Variants in CERS5 observed in about 807,000 individuals in gnomAD.
The protein encoded by CERS5 is ceramide synthase 5.
CERS5 carries 37 observed loss-of-function variants against 58.9 expected under a neutral mutation model. The ratio of observed to expected loss-of-function variants is 0.63; its 90% CI spans 0.48 to 0.83. The LOEUF is 0.83. CERS5 is among the 40% of genes least tolerant of loss of function. CERS5 has a pLI of 0.00. For missense variants in CERS5, 398 were observed against 489.3 expected, an observed-to-expected ratio of 0.81 and a Z score of 1.76; for synonymous variants, 147 against 177.8, an observed-to-expected ratio of 0.83 and a Z score of 1.38.
chr12:50,166,047 G>C, intron 1 of CERS5: 1 of 420,966 alleles, frequency 2.4e-6, no homozygotes, highest in South Asian at 1.7e-5. Flanking sequence ...TCAAGGCCGG[G>C]TGCGGTGGCT....
intron 6 of CERS5, 27 bp downstream of exon 6, chr12:50,137,701 G>A: frequency 8.0e-7 from 1 of 1,252,958 alleles, no homozygotes; most frequent in Non-Finnish European, 1.2e-6. Flanking sequence ...TAATAAGTTG[G>A]GGAATTGAGG....
At chr12:50,137,350 G>A (rs184800204) in intron 6 of CERS5, among the ~76,000 whole-genome samples, 1 of 152,078 alleles carries the variant, frequency 6.6e-6, no homozygotes, top group East Asian at 1.9e-4. Context: ...AGAGAGCAAG[G>A]GTCCCTAATG....
intron 8 of CERS5, 61 bp from the exon 9 acceptor site, chr12:50,134,763 C>T: frequency 6.6e-7 from 1 of 1,510,562 alleles, no homozygotes; most frequent in Non-Finnish European, 9.0e-7. Flanking sequence ...AGGGATGAAG[C>T]TGAGTCCTGG....
At chr12:50,144,800 A>G (rs1366634285) in intron 1 of CERS5, 2 of 1,528,940 alleles carry the variant, frequency 1.3e-6, no homozygotes, top group Non-Finnish European at 1.8e-6. Flanking sequence ...ATCTAAAAGA[A>G]GAGGTTATAT....
At chr12:50,148,940 ATATATATGTG>A (rs1334203028) in intron 1 of CERS5, among the ~76,000 whole-genome samples, 1 of 132,974 alleles carries the variant, frequency 7.5e-6, no homozygotes, top group Non-Finnish European at 1.6e-5. Flanking sequence ...ATATATATAT[ATATATATGTG>A]TGTGTGTGTG....
At chr12:50,135,695 C>A (rs1286520708) in intron 8 of CERS5, 37 bp downstream of exon 8, 4 of 1,405,728 alleles carry the variant, frequency 2.8e-6, no homozygotes, top group Non-Finnish European at 4.0e-6. Context: ...TATCATTAGG[C>A]TCATACCTAC....
At chr12:50,148,621 G>A (rs1254489406) in intron 1 of CERS5, 2 of 279,298 alleles carry the variant, frequency 7.2e-6, no homozygotes, top group South Asian at 5.5e-5. Flanking sequence ...AATAGGCCGG[G>A]CGTGGTGACT....
At chr12:50,136,192 G>A in intron 6 of CERS5, 123 bp from the exon 7 acceptor site, 1 of 848,258 alleles carries the variant, frequency 1.2e-6, no homozygotes, top group Non-Finnish European at 1.6e-6. Context: ...GTTTCCATTG[G>A]CCGGGCGAGG....
chr12:50,154,890 G>A (rs1360404375), intron 1 of CERS5, among the ~76,000 whole-genome samples: 2 of 151,864 alleles, frequency 1.3e-5, no homozygotes, highest in African/African-American at 2.4e-5. Flanking sequence ...ACAGAGTTTC[G>A]CTCCGTCACC....
intron 1 of CERS5, among the ~76,000 whole-genome samples, chr12:50,163,844 A>C (rs929848116): frequency 6.6e-6 from 1 of 151,666 alleles, no homozygotes; most frequent in African/African-American, 2.4e-5. Context: ...TGTAGAGACA[A>C]GGTTTCACCA....
chr12:50,167,255 A>T lies in CERS5; in HGVS notation c.43T>A (p.Trp15Arg). 1 of 1,590,718 alleles carries T rather than the reference A, an allele frequency of 6.3e-7. No homozygotes were observed. Among genetic ancestry groups the T allele is most frequent in the Non-Finnish European group, 8.5e-7 (1 of 1,172,514 alleles). ...AGCCAGAAGCGCTCGCTCCACAGCC[A>T]GCCCCACAGCAAGCTTAGGGGTCCC... Reference protein sequence around the residue: ...AQGPLSLLWGWLWSERFWLPE... With the variant: ...AQGPLSLLWGRLWSERFWLPE... The change falls in exon 1 of 10, where the codon TGG becomes AGG. Residue 15 changes from tryptophan (W) to arginine (R), a missense_variant. Physicochemically the swap from Trp to Arg is moderately radical, Grantham distance 101. Coordinates refer to ENST00000317551, the MANE Select transcript of CERS5 (RefSeq NM_147190.5).
At chr12:50,162,171 T>TG (rs1939370692) in intron 1 of CERS5, among the ~76,000 whole-genome samples, 1 of 138,288 alleles carries the variant, frequency 7.2e-6, no homozygotes, top group African/African-American at 2.6e-5. Context: ...CCACCATGCC[T>TG]GGCTGATTTG....
chr12:50,133,534 C>A (rs1951452131), intron 9 of CERS5: 9 of 987,438 alleles, frequency 9.1e-6, no homozygotes, highest in Non-Finnish European at 7.2e-6. Context: ...CCACACACCA[C>A]TTCTAGGCAA....
chr12:50,150,774 C>A (rs529171190), intron 1 of CERS5, among the ~76,000 whole-genome samples: 8 of 152,180 alleles, frequency 5.3e-5, no homozygotes, highest in Non-Finnish European at 8.8e-5. Flanking sequence ...TCTGTAGTAA[C>A]CTTCACCAAA....
At chr12:50,142,237 T>G (rs1262440690) in intron 3 of CERS5, 127 bp from the exon 4 acceptor site, 1 of 646,282 alleles carries the variant, frequency 1.5e-6, no homozygotes, top group African/African-American at 1.9e-5. Flanking sequence ...ATTCCTAGAA[T>G]AGGCAACTAC....
chr12:50,156,515 G>A (rs1938674681), intron 1 of CERS5, among the ~76,000 whole-genome samples: 1 of 149,880 alleles, frequency 6.7e-6, no homozygotes, highest in African/African-American at 2.5e-5. Flanking sequence ...AGGATTGTTT[G>A]AGCCAAGAGG....
rs575910602 is a variant in CERS5, at chr12:50,166,532, C to T, written c.197+569G>A. Among the ~76,000 whole-genome samples, 6 of 152,226 alleles carry T rather than the reference C, an allele frequency of 3.9e-5. No homozygotes were observed. In the South Asian group the frequency reaches 1.2e-3, roughly 32 times the overall value. ...CACCCTATCCCAACCAGATTTCTAC[C>T]CTCCTACCAACAAACGTGCATGAGT... On this transcript the variant is annotated intron_variant, in intron 1 of 9. Coordinates refer to ENST00000317551, the MANE Select transcript of CERS5 (RefSeq NM_147190.5).
At chr12:50,130,773 AC>A in intron 9 of CERS5, 79 bp from the exon 10 acceptor site, 1 of 1,343,114 alleles carries the variant, frequency 7.4e-7, no homozygotes, top group Non-Finnish European at 1.0e-6. Context: ...AGGTGTGGGC[AC>A]TGTGTTCCCA....
chr12:50,160,436 A>G (rs1939154926), intron 1 of CERS5, among the ~76,000 whole-genome samples: 1 of 152,154 alleles, frequency 6.6e-6, no homozygotes, highest in South Asian at 2.1e-4. Flanking sequence ...ATCCCCACTG[A>G]GAGAATGGCA....
Sources: gnomAD v4.1 joint callset for allele counts (sites outside exome capture counted in the v4.1 genomes callset) on GRCh38, gnomAD v4.1.1 for gene constraint, MANE v1.5 for transcripts, NCBI Gene and HGNC (gene_info 2026-07-23, HGNC 2026-07-21) for gene names.